The following KIAA0930 variants were observed in gnomAD, a reference collection of about 807,000 sequenced individuals.
KIAA0930 encodes KIAA0930.
Under a neutral mutation model 43.9 loss-of-function variants are expected in KIAA0930, and 24 were observed. The ratio of observed to expected loss-of-function variants is 0.55; its 90% confidence interval spans 0.40 to 0.77. KIAA0930 has a LOEUF of 0.77. Among genes scored for constraint, KIAA0930 ranks in the 30% least tolerant of loss-of-function variants. The probability of loss-of-function intolerance (pLI) is 0.00; values close to 1 mark genes in which losing one functional copy is unlikely to be tolerated. For synonymous variants in KIAA0930, 259 were observed against 216.4 expected, an observed-to-expected ratio of 1.20 and a Z score of -1.73; for missense variants, 461 against 574.2, an observed-to-expected ratio of 0.80 and a Z score of 2.02.
chr22:45,200,289 T>C (rs2083576106), intron 7 of KIAA0930: 2 of 419,326 alleles, frequency 4.8e-6, no homozygotes, highest in Non-Finnish European at 8.4e-6. Context: ...CTGCCGCAAA[T>C]GGCAGAAAGA....
chr22:45,224,926 G>C (rs758115064), intron 1 of KIAA0930, among the ~76,000 whole-genome samples: 6 of 152,126 alleles, frequency 3.9e-5, no homozygotes, highest in Non-Finnish European at 4.4e-5. Flanking sequence ...TTGGTGGGGA[G>C]GGGGCTGAGA....
At chr22:45,199,805 A>C (rs2083570139) in intron 8 of KIAA0930, 68 bp downstream of exon 8, 2 of 1,337,066 alleles carry the variant, frequency 1.5e-6, no homozygotes, top group South Asian at 3.3e-5. Context: ...TAAATGAATG[A>C]ATGACTGGTC....
chr22:45,212,478 T>TCG (rs1555899122), intron 1 of KIAA0930: 1 of 1,442,282 alleles, frequency 6.9e-7, no homozygotes, highest in Admixed American at 2.6e-5. Context: ...AAGGCTTGGC[T>TCG]GGGGGGGAGC....
At chr22:45,206,657 G>C (rs1033346612) in intron 2 of KIAA0930, among the ~76,000 whole-genome samples, 3 of 150,986 alleles carry the variant, frequency 2.0e-5, no homozygotes, top group Non-Finnish European at 4.4e-5. Flanking sequence ...ATATCAGAGA[G>C]AAACCAAAGC....
intron 7 of KIAA0930, among the ~76,000 whole-genome samples, chr22:45,201,408 G>A (rs941719786): frequency 2.0e-5 from 3 of 152,120 alleles, no homozygotes; most frequent in South Asian, 2.1e-4. Flanking sequence ...AGCCACTCCC[G>A]CTGGACAGAT....
intron 1 of KIAA0930, among the ~76,000 whole-genome samples, chr22:45,239,282 C>T (rs1352014982): frequency 2.0e-5 from 3 of 152,224 alleles, no homozygotes; most frequent in Non-Finnish European, 2.9e-5. Flanking sequence ...GGGCCTGCCA[C>T]GGTGGCACAC....
intron 1 of KIAA0930, among the ~76,000 whole-genome samples, chr22:45,224,689 G>A (rs1245976172): frequency 6.6e-6 from 1 of 152,202 alleles, no homozygotes; most frequent in Non-Finnish European, 1.5e-5. Context: ...GTGGTGGCTG[G>A]ACAGGGAATG....
chr22:45,203,754 G>T lies in KIAA0930; in HGVS notation c.657+91C>A, dbSNP rs1235436369. 4 of 1,457,388 alleles carry T rather than the reference G, an allele frequency of 2.7e-6. No homozygotes were observed. The Admixed American group carries it at 8.5e-5, about 31-fold the overall frequency. 90.3% of individuals were successfully genotyped at this position (1,457,388 alleles called of 1,614,324 possible). ...GGCGGCCGCTACCATGCACAAGCAG[G>T]CTGGGGGGCCCCATGGTATGGACCA... On this transcript the variant is annotated intron_variant, in intron 6 of 9. Transcript: ENST00000336156.
intron 1 of KIAA0930, among the ~76,000 whole-genome samples, chr22:45,218,801 T>C (rs1367471721): frequency 6.6e-6 from 1 of 152,050 alleles, no homozygotes; most frequent in Non-Finnish European, 1.5e-5. Context: ...AGGAAAGCAA[T>C]TCAGGCTTTC....
intron 9 of KIAA0930, 101 bp from the exon 10 acceptor site, chr22:45,197,317 A>G: frequency 9.9e-7 from 1 of 1,013,978 alleles, no homozygotes; most frequent in Non-Finnish European, 1.5e-6. Context: ...CGCCTCAGCC[A>G]CTCATGCATC....
chr22:45,205,944 G>T (rs1212777430), intron 2 of KIAA0930, 32 bp from the exon 3 acceptor site: 21 of 1,608,996 alleles, frequency 1.3e-5, no homozygotes, highest in Non-Finnish European at 1.6e-5. Flanking sequence ...TGAGTGCCCA[G>T]GGCCCACTGT....
intron 1 of KIAA0930, among the ~76,000 whole-genome samples, chr22:45,223,466 A>T (rs555321342): frequency 2.6e-5 from 4 of 152,298 alleles, no homozygotes; most frequent in African/African-American, 9.6e-5. Flanking sequence ...CTGTTTCCTG[A>T]CTTGTAAAAT....
intron 6 of KIAA0930, among the ~76,000 whole-genome samples, 189 bp from the exon 7 acceptor site, chr22:45,203,373 C>T (rs993635520): frequency 2.0e-5 from 3 of 152,142 alleles, no homozygotes; most frequent in Non-Finnish European, 2.9e-5. Flanking sequence ...CTCCTGGTGC[C>T]CCTCCCACCG....
At chr22:45,198,715 T>C (rs1222952057) in intron 8 of KIAA0930, among the ~76,000 whole-genome samples, 1 of 152,116 alleles carries the variant, frequency 6.6e-6, no homozygotes, top group Non-Finnish European at 1.5e-5. Context: ...AGTGGCACGA[T>C]CTCGGCTCAC....
At chr22:45,203,559 C>T (rs778462198) in intron 6 of KIAA0930, among the ~76,000 whole-genome samples, 48 of 152,236 alleles carry the variant, frequency 3.2e-4, no homozygotes, top group African/African-American at 6.3e-4. Context: ...GAGGTGACAG[C>T]GACACCATCA....
chr22:45,235,761 T>A (rs1764240686), intron 1 of KIAA0930, among the ~76,000 whole-genome samples: 1 of 152,158 alleles, frequency 6.6e-6, no homozygotes. Flanking sequence ...TCTCATACAA[T>A]CCCTAAGTCC....
chr22:45,217,938 G>T (rs1261033995), intron 1 of KIAA0930, among the ~76,000 whole-genome samples: 3 of 152,142 alleles, frequency 2.0e-5, no homozygotes, highest in African/African-American at 7.2e-5. Flanking sequence ...TGACTCCAGG[G>T]ACTAGCAGGG....
At chr22:45,218,054 G>T (rs1042825935) in intron 1 of KIAA0930, among the ~76,000 whole-genome samples, 1 of 152,220 alleles carries the variant, frequency 6.6e-6, no homozygotes, top group Non-Finnish European at 1.5e-5. Context: ...TCTGCACGAC[G>T]CTGGACTGGT....
intron 1 of KIAA0930, among the ~76,000 whole-genome samples, chr22:45,233,231 A>G (rs2083865461): frequency 6.6e-6 from 1 of 151,982 alleles, no homozygotes; most frequent in African/African-American, 2.4e-5. Flanking sequence ...GAGGACTTTC[A>G]CTCAGATGCC....
Sources: gnomAD v4.1 joint callset for allele counts (sites outside exome capture counted in the v4.1 genomes callset) on GRCh38, gnomAD v4.1.1 for gene constraint, MANE v1.5 for transcripts, NCBI Gene and HGNC (gene_info 2026-07-23, HGNC 2026-07-21) for gene names.